The following SDK1 variants were observed in gnomAD, a reference collection of about 807,000 sequenced individuals.
SDK1 encodes the protein protein sidekick-1.
A neutral mutation model predicts 245.5 loss-of-function variants in SDK1; 157 were observed. That is an observed-to-expected ratio of 0.64 (90% CI 0.56 to 0.73). The LOEUF (loss-of-function observed/expected upper bound fraction) is 0.73. SDK1 is among the 30% of genes least tolerant of loss of function. The pLI, the probability that SDK1 is intolerant of heterozygous loss-of-function variation, is 0.00. For missense variants in SDK1, 3,583 were observed against 3,002.3 expected (o/e 1.19, Z -4.52); for synonymous variants, 1,647 against 1,278.5 (o/e 1.29, Z -6.15).
chr7:3,420,613 A>G (rs1779509389), intron 1 of SDK1, among the ~76,000 whole-genome samples: 3 of 152,172 alleles, frequency 2.0e-5, no homozygotes, highest in Admixed American at 2.0e-4. Flanking sequence ...TCTTTTACAG[A>G]GCTTGATATG....
At chr7:3,405,110 T>C (rs769537445) in intron 1 of SDK1, among the ~76,000 whole-genome samples, 3 of 150,448 alleles carry the variant, frequency 2.0e-5, no homozygotes, top group Non-Finnish European at 4.4e-5. Context: ...TTAAAGAGGA[T>C]CTAGTCCAAC....
chr7:3,554,829 C>T (rs1041324245), intron 1 of SDK1, among the ~76,000 whole-genome samples: 4 of 152,086 alleles, frequency 2.6e-5, no homozygotes, highest in Admixed American at 6.6e-5. Flanking sequence ...AGAAACTAAT[C>T]CCATTTACAA....
At chr7:3,577,789 C>T (rs1283834640) in intron 1 of SDK1, among the ~76,000 whole-genome samples, 1 of 151,960 alleles carries the variant, frequency 6.6e-6, no homozygotes, top group East Asian at 1.9e-4. Context: ...GTCATATTGT[C>T]CCCCAACCAT....
At chr7:3,517,745 C>G (rs1002232709) in intron 1 of SDK1, among the ~76,000 whole-genome samples, 5 of 152,170 alleles carry the variant, frequency 3.3e-5, no homozygotes, top group Admixed American at 6.6e-5. Flanking sequence ...TGTATTGCCA[C>G]TAGTGCTTCC....
intron 21 of SDK1, among the ~76,000 whole-genome samples, chr7:4,079,117 T>A (rs902584153): frequency 6.6e-6 from 1 of 152,286 alleles, no homozygotes. Context: ...CAGGAAGAAT[T>A]ACATTCATTC....
At chr7:3,397,823 T>C (rs145730269) in intron 1 of SDK1, among the ~76,000 whole-genome samples, 1 of 152,236 alleles carries the variant, frequency 6.6e-6, no homozygotes, top group East Asian at 1.9e-4. Context: ...TCTTGCATGT[T>C]TTACACTTTT....
rs140395634 is a variant in SDK1 at position 3,957,847 on chromosome 7, G to A, written c.1151-1084G>A. Among the ~76,000 whole-genome samples, 1,167 of 152,300 alleles carry A rather than the reference G, an allele frequency of 7.7e-3. 42 individuals are homozygous for A. Among genetic ancestry groups the A allele is most frequent in the East Asian group, 0.017 (88 of 5,176 alleles). On this transcript the variant is annotated intron_variant, in intron 7 of 44. Coordinates refer to ENST00000404826, the MANE Select transcript of SDK1 (RefSeq NM_152744.4). ...CATGAAAACTTAAGTAGAGGAATCT[G>A]CTTCCTTCTAATGAATTTGCAGCCA...
intron 12 of SDK1, among the ~76,000 whole-genome samples, chr7:3,971,895 G>A (rs1782512446): frequency 6.6e-6 from 1 of 152,002 alleles, no homozygotes; most frequent in Non-Finnish European, 1.5e-5. Context: ...CAGGGGGATC[G>A]ACTAGGATTC....
At position 4,208,255 on chromosome 7, in the gene SDK1, G is replaced by A. The variant is rs756028642; in HGVS notation, c.5371G>A (p.Asp1791Asn). 6.2e-7 allele frequency: 1 copy of A among 1,613,650 alleles called. No homozygotes were observed. The highest frequency in any genetic ancestry group is 1.1e-5 in the South Asian group (1 of 91,014). ...FNAAGDGPKS[D>N]PQQGRTHQAA... The stretch of plus-strand genomic sequence containing the variant: ...CGCCGCCGGAGATGGACCTAAGAGT[G>A]ACCCCCAGCAGGGGCGCACCCACCA... Residue 1791 changes from aspartate (D) to asparagine (N), a missense_variant, in exon 37 of 45, where the codon GAC becomes AAC. Asp to Asn is a conservative substitution (Grantham distance 23). Transcript: ENST00000404826.
chr7:3,560,906 G>C (rs1779731596), intron 1 of SDK1, among the ~76,000 whole-genome samples: 1 of 152,106 alleles, frequency 6.6e-6, no homozygotes. Flanking sequence ...CTTCCTTTGA[G>C]TCTTTTCTCA....
chr7:3,834,483 T>G (rs1779986349), intron 5 of SDK1, among the ~76,000 whole-genome samples: 1 of 152,244 alleles, frequency 6.6e-6, no homozygotes, highest in Non-Finnish European at 1.5e-5. Context: ...AACAGCTTTG[T>G]TAGCAGAACT....
intron 5 of SDK1, among the ~76,000 whole-genome samples, chr7:3,940,306 T>C (rs147116399): frequency 8.0e-4 from 122 of 152,374 alleles, no homozygotes; most frequent in African/African-American, 2.8e-3. Context: ...AGTGAAACCC[T>C]GCTTGGTGGA....
chr7:3,446,629 A>G (rs960512587), intron 1 of SDK1, among the ~76,000 whole-genome samples: 4 of 152,200 alleles, frequency 2.6e-5, no homozygotes, highest in Non-Finnish European at 5.9e-5. Flanking sequence ...CTCACCGTGC[A>G]TTATAAAATA....
chr7:3,630,897 A>G (rs146396764), intron 2 of SDK1, among the ~76,000 whole-genome samples: 356 of 152,092 alleles, frequency 2.3e-3, no homozygotes, highest in Non-Finnish European at 3.9e-3. Flanking sequence ...ACTAAAATCT[A>G]AAATTCATCA....
At chr7:4,250,104 A>G (rs944141788) in intron 44 of SDK1, among the ~76,000 whole-genome samples, 2 of 152,120 alleles carry the variant, frequency 1.3e-5, no homozygotes, top group African/African-American at 4.8e-5. Context: ...CTACCTCTCT[A>G]GGTGTGCCTA....
At chr7:3,465,048 C>G (rs1780950529) in intron 1 of SDK1, among the ~76,000 whole-genome samples, 1 of 152,128 alleles carries the variant, frequency 6.6e-6, no homozygotes, top group South Asian at 2.1e-4. Context: ...GGCACAAACT[C>G]TTACAGATGT....
chr7:3,823,785 T>G (rs1779703522), intron 5 of SDK1, among the ~76,000 whole-genome samples: 1 of 152,198 alleles, frequency 6.6e-6, no homozygotes, highest in African/African-American at 2.4e-5. Context: ...AACCTACATT[T>G]TGTTCCTTTA....
Position 4,124,243 on chromosome 7 carries a change from G to T in SDK1, c.3824-3138G>T, listed in dbSNP as rs114337415. On this transcript the variant is annotated intron_variant, in intron 25 of 44. Coordinates refer to ENST00000404826, the MANE Select transcript of SDK1 (RefSeq NM_152744.4). Reference sequence around the variant, plus strand: ...GTGTCATAGCAGAATGCCCCAAACGGGGTGGCTTAAATGACAGAAATGTTT... The same window carrying T: ...GTGTCATAGCAGAATGCCCCAAACGTGGTGGCTTAAATGACAGAAATGTTT... 7.6e-4 allele frequency among the ~76,000 whole-genome samples: 116 copies of T among 152,338 alleles called. 1 individual carries two copies. The highest frequency in any genetic ancestry group is 2.7e-3 in the African/African-American group (112 of 41,570).
chr7:3,881,797 T>C (rs1045596052), intron 5 of SDK1, among the ~76,000 whole-genome samples: 1 of 152,196 alleles, frequency 6.6e-6, no homozygotes, highest in African/African-American at 2.4e-5. Flanking sequence ...TTCTTCTTTG[T>C]ATGTCTTTTA....
Sources: allele counts gnomAD v4.1 joint callset (sites outside exome capture counted in the v4.1 genomes callset), GRCh38; gene constraint gnomAD v4.1.1; transcripts MANE v1.5; gene names NCBI Gene and HGNC (gene_info 2026-07-23, HGNC 2026-07-21).